Variants in FBN2 observed in about 807,000 individuals in gnomAD.
FBN2 encodes fibrillin 2, also known as fibrillin-2.
FBN2 carries 105 observed loss-of-function variants against 355.6 expected under a neutral mutation model. The observed-to-expected ratio is 0.30, with a 90% CI of 0.25 to 0.35. The LOEUF (loss-of-function observed/expected upper bound fraction) is 0.35. FBN2 is among the 10% of genes least tolerant of loss of function. The pLI, the probability that FBN2 is intolerant of heterozygous loss-of-function variation, is 1.00. For missense variants in FBN2, 3,280 were observed against 3,758.7 expected, an observed-to-expected ratio of 0.87 and a Z score of 3.33; for synonymous variants, 1,350 against 1,301.2, an observed-to-expected ratio of 1.04 and a Z score of -0.81.
At position 128,455,990 on chromosome 5, in the gene FBN2, C is replaced by CAAAAAAAAAAAAA. The variant is rs70997371; in HGVS notation, c.826+8721_826+8733dup. ...GAGCTCCTTGGGGGAGGGTTAGCAACAAAAAAAAAAAAAAAAAAAAAAAAA... is the reference window on the plus strand; with the variant it reads ...GAGCTCCTTGGGGGAGGGTTAGCAACAAAAAAAAAAAAAAAAAAAAAAAAAAAAAAAAAAAAAA... On this transcript the variant is annotated intron_variant, in intron 6 of 64. Coordinates refer to ENST00000262464, the MANE Select transcript of FBN2 (RefSeq NM_001999.4). 1.3e-3 allele frequency among the ~76,000 whole-genome samples: 32 copies of CAAAAAAAAAAAAA among 25,278 alleles called. 10 individuals carry two copies. Among genetic ancestry groups the CAAAAAAAAAAAAA allele is most frequent in the African/African-American group, 2.3e-3 (21 of 9,000 alleles). The allele number at this position is 25,278 out of a possible 152,430, so 16.6% of individuals were successfully genotyped here.
At chr5:128,337,341 T>G (rs1284116949) in intron 27 of FBN2, among the ~76,000 whole-genome samples, 1 of 152,222 alleles carries the variant, frequency 6.6e-6, no homozygotes, top group Non-Finnish European at 1.5e-5. Context: ...TTAGGCTGTC[T>G]TATTTGCTTA....
Position 128,278,640 on chromosome 5 carries a change from C to T in FBN2, c.7340G>A (p.Gly2447Glu), listed in dbSNP as rs1375227156. ...AAATTTCCTCAACTCCTTACCTCTT[C>T]CATCAGTTGTATATCCTGGGCCATG... is the stretch of plus-strand genomic sequence containing the variant. ...CPHGPGYTTD[G>E]RDIDECKVMP... Residue 2447 changes from glycine (G) to glutamate (E), a missense_variant, in exon 57 of 65, where the codon GGA becomes GAA. Gly to Glu is a moderately conservative substitution (Grantham distance 98). This residue lies in a region of FBN2 where 2,284 missense variants were observed against 2,749.5 expected (regional missense o/e 0.83). Coordinates refer to ENST00000262464, the MANE Select transcript of FBN2 (RefSeq NM_001999.4). 6.2e-7 allele frequency: 1 copy of T among 1,613,662 alleles called. No individual in the cohort carries two copies.
Position 128,449,519 on chromosome 5 carries a change from A to G in FBN2, c.827-2913T>C, listed in dbSNP as rs181417213. On this transcript the variant is annotated intron_variant, in intron 6 of 64. Coordinates refer to ENST00000262464, the MANE Select transcript of FBN2 (RefSeq NM_001999.4). ...ATACTATTTGAAAATAGAATGTAGTAAGTTAAATACGTATAAACACTAAAA... is the reference window on the plus strand; with the variant it reads ...ATACTATTTGAAAATAGAATGTAGTGAGTTAAATACGTATAAACACTAAAA... 2.4e-4 allele frequency among the ~76,000 whole-genome samples: 36 copies of G among 150,124 alleles called. 1 individual carries two copies. The East Asian group carries it at 6.8e-3, about 28-fold the overall frequency.
intron 12 of FBN2, 63 bp from the exon 13 acceptor site, chr5:128,377,940 G>T: frequency 1.4e-6 from 2 of 1,437,592 alleles, no homozygotes; most frequent in Non-Finnish European, 1.9e-6. Context: ...AACACAGTAA[G>T]ATAAGAAATG....
intron 5 of FBN2, among the ~76,000 whole-genome samples, chr5:128,498,659 A>G (rs1429374393): frequency 2.6e-5 from 4 of 152,248 alleles, no homozygotes; most frequent in Admixed American, 1.3e-4. Context: ...AGAGTCATAA[A>G]CAATAGAAAA....
At chr5:128,339,891 A>C (rs1340308655) in intron 25 of FBN2, among the ~76,000 whole-genome samples, 1 of 152,172 alleles carries the variant, frequency 6.6e-6, no homozygotes, top group Non-Finnish European at 1.5e-5. Context: ...GTGTGCCCCA[A>C]TTTGTGTTTT....
At chr5:128,263,125 C>T (rs1348006836) in intron 63 of FBN2, among the ~76,000 whole-genome samples, 1 of 152,162 alleles carries the variant, frequency 6.6e-6, no homozygotes, top group African/African-American at 2.4e-5. Flanking sequence ...CATTTTTAAG[C>T]ATCTGTTTGT....
At chr5:128,378,504 G>A (rs964500078) in intron 12 of FBN2, among the ~76,000 whole-genome samples, 2 of 152,120 alleles carry the variant, frequency 1.3e-5, no homozygotes, top group Non-Finnish European at 2.9e-5. Context: ...ATCAGAGAAG[G>A]TTACTGATGT....
intron 34 of FBN2, among the ~76,000 whole-genome samples, chr5:128,325,507 C>T (rs1581217246): frequency 6.6e-6 from 1 of 152,162 alleles, no homozygotes; most frequent in East Asian, 1.9e-4. Flanking sequence ...TGTGTCTTTG[C>T]ACGTGAGATG....
At chr5:128,287,221 G>T in intron 54 of FBN2, 87 bp downstream of exon 54, 1 of 1,452,760 alleles carries the variant, frequency 6.9e-7, no homozygotes, top group East Asian at 2.3e-5. Flanking sequence ...AGCTCTAGAA[G>T]AAATTAGTTG....
At position 128,263,671 on chromosome 5, in the gene FBN2, A is replaced by G. The variant is rs1008083414; in HGVS notation, c.7961-15T>C. 1 of 1,597,232 alleles carries G rather than the reference A, an allele frequency of 6.3e-7. No homozygotes were observed. The highest frequency in any genetic ancestry group is 1.7e-4 in the Middle Eastern group (1 of 6,012). On this transcript the variant is annotated splice_polypyrimidine_tract_variant and intron_variant, in intron 62 of 64. Coordinates refer to ENST00000262464, the MANE Select transcript of FBN2 (RefSeq NM_001999.4). Reference sequence around the variant, plus strand: ...TTCATTCTCATCTAGTGAAACGAAGAAAGAAACTCTTACACGGGGAAGCAG... The same window carrying G: ...TTCATTCTCATCTAGTGAAACGAAGGAAGAAACTCTTACACGGGGAAGCAG...
At chr5:128,292,039 C>G (rs562895949) in intron 48 of FBN2, among the ~76,000 whole-genome samples, 31 of 152,096 alleles carry the variant, frequency 2.0e-4, no homozygotes, top group Admixed American at 2.0e-4. Context: ...CCCATGTCAC[C>G]CCTATTTCTC....
chr5:128,371,489 T>TTCCCTCCC (rs199991704), intron 15 of FBN2, among the ~76,000 whole-genome samples: 1 of 136,576 alleles, frequency 7.3e-6, no homozygotes, highest in Non-Finnish European at 1.6e-5. Context: ...CCTTCCTTTC[T>TTCCCTCCC]TCCCTCCCTC....
At chr5:128,432,017 T>C (rs1318673821) in intron 7 of FBN2, among the ~76,000 whole-genome samples, 2 of 149,902 alleles carry the variant, frequency 1.3e-5, no homozygotes, top group African/African-American at 5.1e-5. Flanking sequence ...ACTGTAATAA[T>C]AATGATGATA....
At chr5:128,536,597 C>A in intron 1 of FBN2, 113 bp from the exon 2 acceptor site, 1 of 759,656 alleles carries the variant, frequency 1.3e-6, no homozygotes, top group South Asian at 1.5e-5. Context: ...ACAAACAAAT[C>A]AAAATTACAC....
chr5:128,330,149 A>G (rs1750653796), intron 33 of FBN2, among the ~76,000 whole-genome samples: 3 of 152,240 alleles, frequency 2.0e-5, no homozygotes, highest in Non-Finnish European at 4.4e-5. Flanking sequence ...GGAATAAAAA[A>G]GAAGAAAAGA....
rs763604107 is a variant in FBN2 at position 128,273,867 on chromosome 5, G to A, written c.7813C>T (p.Leu2605Phe). The part of the protein sequence containing the change: ...FSCECQRGFS[L>F]DATGLNCEDV... ...TCACAGTTCAGTCCGGTGGCATCAA[G>A]AGAGAACCCTCTTTGGCATTCACAG... Residue 2605 changes from leucine to phenylalanine, a missense_variant, in exon 61 of 65, where the codon CTT (leucine) becomes TTT (phenylalanine). This residue lies in a region of FBN2 where 2,284 missense variants were observed against 2,749.5 expected (regional missense o/e 0.83). Transcript: ENST00000262464. The A allele has an allele frequency of 2.5e-6, 4 of 1,613,828 alleles. No individual in the cohort carries two copies.
chr5:128,457,934 G>C (rs1462108904), intron 6 of FBN2, among the ~76,000 whole-genome samples: 1 of 151,660 alleles, frequency 6.6e-6, no homozygotes, highest in African/African-American at 2.4e-5. Context: ...ATAGCATTAT[G>C]ATAACCGGAT....
In FBN2 at chr5:128,276,282, C is replaced by A; in HGVS notation, c.7472-122G>T. 2.0e-6 allele frequency: 2 copies of A among 1,003,678 alleles called. 1 individual carries two copies. The highest frequency in any genetic ancestry group is 5.1e-5 in the East Asian group (2 of 38,954). 62.2% of individuals were successfully genotyped at this position (1,003,678 alleles called of 1,614,324 possible). On this transcript the variant is annotated intron_variant, in intron 58 of 64. Coordinates refer to ENST00000262464, the MANE Select transcript of FBN2 (RefSeq NM_001999.4). Reference sequence around the variant, plus strand: ...CTGTTCAACTTAAAGTGGAATATAGCCAGAGAGAAATGATGCACAGAAGGA... The same window carrying A: ...CTGTTCAACTTAAAGTGGAATATAGACAGAGAGAAATGATGCACAGAAGGA...
Sources: gnomAD v4.1 joint callset for allele counts (sites outside exome capture counted in the v4.1 genomes callset) on GRCh38, gnomAD v4.1.1 for gene constraint, gnomAD v4.1.1 regional missense constraint, MANE v1.5 for transcripts, NCBI Gene and HGNC (gene_info 2026-07-23, HGNC 2026-07-21) for gene names.